DENND1A: variants seen among roughly 807,000 people sequenced by gnomAD.
The protein encoded by DENND1A is DENN domain-containing protein 1A.
A neutral mutation model predicts 113.7 loss-of-function variants in DENND1A; 51 were observed. The observed-to-expected ratio is 0.45, with a 90% CI of 0.36 to 0.57. The LOEUF is 0.57. Ranked by LOEUF, DENND1A falls within the 20% of genes least tolerant of loss-of-function variation. The probability of loss-of-function intolerance (pLI) is 0.00; values close to 1 mark genes in which losing one functional copy is unlikely to be tolerated. For missense variants in DENND1A, 1,258 were observed against 1,395.9 expected (o/e 0.90, Z 1.57); for synonymous variants, 565 against 570.8 (o/e 0.99, Z 0.14).
At chr9:123,605,359 G>A (rs1356318389) in intron 11 of DENND1A, among the ~76,000 whole-genome samples, 1 of 152,192 alleles carries the variant, frequency 6.6e-6, no homozygotes, top group Non-Finnish European at 1.5e-5. Context: ...GACATGACCT[G>A]GCACCTGCTA....
chr9:123,391,506 C>G (rs772338449), intron 21 of DENND1A, among the ~76,000 whole-genome samples: 4 of 152,204 alleles, frequency 2.6e-5, no homozygotes, highest in Non-Finnish European at 4.4e-5. Flanking sequence ...GAGCTAGGAA[C>G]TGAATGTGGA....
At chr9:123,748,250 C>G (rs2069692958) in intron 5 of DENND1A, among the ~76,000 whole-genome samples, 1 of 152,154 alleles carries the variant, frequency 6.6e-6, no homozygotes, top group Admixed American at 6.5e-5. Flanking sequence ...CATCCCAATT[C>G]AGGGAAGGAA....
At chr9:123,771,614 C>A (rs1370072745) in intron 3 of DENND1A, among the ~76,000 whole-genome samples, 1 of 152,142 alleles carries the variant, frequency 6.6e-6, no homozygotes, top group Non-Finnish European at 1.5e-5. Flanking sequence ...AAAGAAAGGA[C>A]CCCCTTGGCT....
intron 18 of DENND1A, among the ~76,000 whole-genome samples, chr9:123,445,479 C>T (rs2047235796): frequency 6.6e-6 from 1 of 152,244 alleles, no homozygotes; most frequent in South Asian, 2.1e-4. Flanking sequence ...GTTGTATGGA[C>T]AACCTCAAGG....
intron 3 of DENND1A, among the ~76,000 whole-genome samples, chr9:123,790,196 T>C (rs1207435038): frequency 2.0e-5 from 3 of 152,144 alleles, no homozygotes; most frequent in Admixed American, 1.3e-4. Flanking sequence ...TAGGAAAAGA[T>C]AATTTAACAA....
intron 12 of DENND1A, among the ~76,000 whole-genome samples, chr9:123,559,793 G>A (rs554651269): frequency 4.6e-5 from 7 of 152,020 alleles, no homozygotes; most frequent in Admixed American, 2.0e-4. Flanking sequence ...TATTACCCCC[G>A]AAAGAAACCT....
At chr9:123,420,548 C>T (rs2045189283) in intron 19 of DENND1A, among the ~76,000 whole-genome samples, 1 of 152,162 alleles carries the variant, frequency 6.6e-6, no homozygotes, top group Admixed American at 6.6e-5. Context: ...CCAGTCCTGT[C>T]AACGACTCTC....
intron 3 of DENND1A, among the ~76,000 whole-genome samples, chr9:123,789,432 G>T (rs1007805477): frequency 1.3e-5 from 2 of 152,078 alleles, no homozygotes; most frequent in African/African-American, 2.4e-5. Context: ...TTAATAAAAC[G>T]TGTTGGGTCT....
chr9:123,574,395 T>G (rs944764096), intron 12 of DENND1A, among the ~76,000 whole-genome samples: 1 of 152,148 alleles, frequency 6.6e-6, no homozygotes, highest in African/African-American at 2.4e-5. Context: ...GATTTAAAAT[T>G]CTTTAATAGA....
At chr9:123,906,142 A>G (rs1002453737) in intron 1 of DENND1A, among the ~76,000 whole-genome samples, 2 of 151,756 alleles carry the variant, frequency 1.3e-5, no homozygotes, top group Non-Finnish European at 2.9e-5. Flanking sequence ...AGAAATAAAG[A>G]TGTTCTTTGA....
Position 123,738,443 on chromosome 9 carries a change from CTGTGTGTGTGTGTG to C in DENND1A, c.302+19246_302+19259del, listed in dbSNP as rs59851560. ...TGAAAAACTGCCGTGTCAACAGCTT[CTGTGTGTGTGTGTG>C]TGTGTGTGTGTGTGTGTGTGTGTGT... On this transcript the variant is annotated intron_variant, in intron 5 of 23. Coordinates refer to ENST00000394215, the MANE Select transcript of DENND1A (RefSeq NM_001352964.2). Among the ~76,000 whole-genome samples the C allele has an allele frequency of 3.1e-3, 444 of 143,438 alleles. 4 individuals carry two copies. The highest frequency in any genetic ancestry group is 0.011 in the Middle Eastern group (3 of 278). The allele number at this position is 143,438 out of a possible 152,430, so 94.1% of individuals were successfully genotyped here.
intron 1 of DENND1A, among the ~76,000 whole-genome samples, chr9:123,904,419 T>G (rs1436051528): frequency 6.6e-6 from 1 of 150,918 alleles, no homozygotes; most frequent in African/African-American, 2.5e-5. Context: ...CAAATTACTC[T>G]GAGCTACGGG....
At chr9:123,798,987 T>C (rs1051824729) in intron 2 of DENND1A, among the ~76,000 whole-genome samples, 2 of 152,142 alleles carry the variant, frequency 1.3e-5, no homozygotes, top group African/African-American at 4.8e-5. Context: ...ATCCCACTTT[T>C]TTGAATGAGT....
chr9:123,927,317 T>C (rs1479593800), intron 1 of DENND1A, among the ~76,000 whole-genome samples: 1 of 152,238 alleles, frequency 6.6e-6, no homozygotes. Context: ...TATTTTTTAA[T>C]AATGAGACAA....
chr9:123,917,371 G>A (rs988902702), intron 1 of DENND1A, among the ~76,000 whole-genome samples: 24 of 152,030 alleles, frequency 1.6e-4, no homozygotes, highest in African/African-American at 5.3e-4. Flanking sequence ...TTCAGTAATC[G>A]CATTGTTGAC....
chr9:123,579,878 A>T (rs1564754763), intron 12 of DENND1A, among the ~76,000 whole-genome samples: 1 of 152,090 alleles, frequency 6.6e-6, no homozygotes, highest in African/African-American at 2.4e-5. Flanking sequence ...CCCCATTACA[A>T]TCTTCAGAAT....
intron 8 of DENND1A, among the ~76,000 whole-genome samples, chr9:123,659,960 C>T (rs945967549): frequency 1.3e-5 from 2 of 152,184 alleles, no homozygotes; most frequent in Non-Finnish European, 2.9e-5. Flanking sequence ...TTCAGATTCT[C>T]CTTAGAGGAA....
intron 5 of DENND1A, among the ~76,000 whole-genome samples, chr9:123,742,252 G>T (rs2069094812): frequency 6.6e-6 from 1 of 151,684 alleles, no homozygotes; most frequent in African/African-American, 2.4e-5. Context: ...AAAAAAAAAG[G>T]CTATGCTTAG....
At chr9:123,628,783 T>C (rs76978485) in intron 10 of DENND1A, among the ~76,000 whole-genome samples, 9,516 of 152,224 alleles carry the variant, frequency 0.063, 368 homozygotes, top group Middle Eastern at 0.11. Flanking sequence ...GGTTCAGCCA[T>C]TGATGAATCA....
Sources: allele counts gnomAD v4.1 joint callset (sites outside exome capture counted in the v4.1 genomes callset), GRCh38; gene constraint gnomAD v4.1.1; transcripts MANE v1.5; gene names NCBI Gene and HGNC (gene_info 2026-07-23, HGNC 2026-07-21).